Variants in SENP7 observed in about 807,000 individuals in gnomAD.
The protein encoded by SENP7 is sentrin-specific protease 7.
In SENP7, 64 loss-of-function variants were observed where a neutral mutation model predicts 141.2. That is an observed-to-expected ratio of 0.45 (90% CI 0.37 to 0.56). The LOEUF (loss-of-function observed/expected upper bound fraction) is 0.56. SENP7 is among the 20% of genes least tolerant of loss of function. The probability of loss-of-function intolerance (pLI) is 0.00; values close to 1 mark genes in which losing one functional copy is unlikely to be tolerated. For missense variants in SENP7, 1,025 were observed against 1,212.2 expected (o/e 0.85, Z 2.29); for synonymous variants, 382 against 426.4 (o/e 0.90, Z 1.28).
chr3:101,386,389 G>C (rs146830573), intron 6 of SENP7, among the ~76,000 whole-genome samples: 1 of 152,112 alleles, frequency 6.6e-6, no homozygotes, highest in Non-Finnish European at 1.5e-5. Flanking sequence ...ACTAATATGG[G>C]GGCTGCCTGG....
At chr3:101,339,270 T>C (rs2059268174) in intron 16 of SENP7, among the ~76,000 whole-genome samples, 1 of 152,206 alleles carries the variant, frequency 6.6e-6, no homozygotes. Flanking sequence ...AAATTTGGTT[T>C]GGGAGAGATG....
At chr3:101,459,760 C>T (rs1325221318) in intron 3 of SENP7, among the ~76,000 whole-genome samples, 2 of 152,060 alleles carry the variant, frequency 1.3e-5, no homozygotes, top group African/African-American at 4.8e-5. Context: ...TGTTTGTAGT[C>T]CACGATTCGC....
intron 4 of SENP7, among the ~76,000 whole-genome samples, chr3:101,423,181 A>G (rs1180937018): frequency 6.6e-6 from 1 of 152,220 alleles, no homozygotes; most frequent in Non-Finnish European, 1.5e-5. Context: ...AAGACATTCA[A>G]TATCATTAAT....
intron 9 of SENP7, among the ~76,000 whole-genome samples, chr3:101,365,879 A>C (rs2060026061): frequency 6.6e-6 from 1 of 152,090 alleles, no homozygotes; most frequent in Admixed American, 6.6e-5. Flanking sequence ...CCTTAGTAAC[A>C]AATTCTAGTT....
chr3:101,394,564 G>A (rs933133060), intron 6 of SENP7, among the ~76,000 whole-genome samples: 3 of 151,534 alleles, frequency 2.0e-5, no homozygotes, highest in Non-Finnish European at 4.4e-5. Context: ...CCAGGCTGGA[G>A]TGCAGTGGCG....
intron 20 of SENP7, 61 bp downstream of exon 20, chr3:101,330,273 C>T (rs1312905896): frequency 6.4e-6 from 8 of 1,252,680 alleles, no homozygotes; most frequent in South Asian, 3.7e-5. Flanking sequence ...CTCTATTTTA[C>T]AGATAACATT....
chr3:101,330,202 T>C, intron 20 of SENP7, 132 bp downstream of exon 20: 1 of 551,576 alleles, frequency 1.8e-6, no homozygotes. Flanking sequence ...CCACAAAAAC[T>C]GTCAAAGAAT....
intron 14 of SENP7, 65 bp from the exon 15 acceptor site, chr3:101,341,844 C>G: frequency 6.9e-7 from 1 of 1,455,208 alleles, no homozygotes; most frequent in Non-Finnish European, 9.3e-7. Flanking sequence ...AAAGTCAAAA[C>G]GTAGACGTGT....
At chr3:101,469,911 A>T (rs897239796) in intron 3 of SENP7, among the ~76,000 whole-genome samples, 4 of 151,536 alleles carry the variant, frequency 2.6e-5, no homozygotes, top group African/African-American at 9.7e-5. Flanking sequence ...TAGATGTCAG[A>T]ATTAAGAAAC....
At chr3:101,361,103 G>A (rs1433926915) in intron 11 of SENP7, among the ~76,000 whole-genome samples, 2 of 151,984 alleles carry the variant, frequency 1.3e-5, no homozygotes, top group Non-Finnish European at 2.9e-5. Context: ...TACTCGGGAG[G>A]CTGAGGCACA....
intron 5 of SENP7, among the ~76,000 whole-genome samples, chr3:101,407,959 C>T (rs773967073): frequency 1.3e-5 from 2 of 150,660 alleles, no homozygotes; most frequent in Admixed American, 6.6e-5. Flanking sequence ...GAAATTAAAA[C>T]AAAAAAAATA....
chr3:101,390,218 T>TCAAAAAAAAAAAAAAAAAAAAAAA (rs2060774628), intron 6 of SENP7, among the ~76,000 whole-genome samples: 2 of 51,258 alleles, frequency 3.9e-5, no homozygotes, highest in Non-Finnish European at 3.3e-5. Flanking sequence ...AGACTCTGTC[T>TCAAAAAAAAAAAAAAAAAAAAAAA]CAAAAAAAAA....
chr3:101,370,684 G>A (rs770328648), intron 7 of SENP7, among the ~76,000 whole-genome samples: 11 of 151,932 alleles, frequency 7.2e-5, no homozygotes, highest in Non-Finnish European at 1.3e-4. Flanking sequence ...AGAGATGATT[G>A]TAATTACTTC....
intron 6 of SENP7, among the ~76,000 whole-genome samples, chr3:101,385,413 T>C (rs551070804): frequency 2.6e-5 from 4 of 152,238 alleles, no homozygotes; most frequent in African/African-American, 9.6e-5. Context: ...CTTCAAAGCC[T>C]ACACCAAGGC....
intron 3 of SENP7, among the ~76,000 whole-genome samples, chr3:101,466,560 G>C (rs531682660): frequency 6.6e-6 from 1 of 152,184 alleles, no homozygotes; most frequent in South Asian, 2.1e-4. Flanking sequence ...AAAGCTAAGG[G>C]AATTTATCAC....
intron 5 of SENP7, among the ~76,000 whole-genome samples, chr3:101,411,619 C>T (rs1393706657): frequency 6.6e-6 from 1 of 152,150 alleles, no homozygotes; most frequent in African/African-American, 2.4e-5. Flanking sequence ...TAAATTAGCA[C>T]AGTCAAGGAC....
intron 3 of SENP7, among the ~76,000 whole-genome samples, chr3:101,478,819 C>T (rs967446433): frequency 1.3e-5 from 2 of 151,976 alleles, no homozygotes; most frequent in East Asian, 1.9e-4. Context: ...AATAGCATAC[C>T]GAATCCAAAA....
intron 5 of SENP7, among the ~76,000 whole-genome samples, chr3:101,407,742 C>A (rs974290710): frequency 1.3e-5 from 2 of 152,064 alleles, no homozygotes; most frequent in Non-Finnish European, 2.9e-5. Context: ...AACTGAACAA[C>A]AATAGTGACA....
intron 4 of SENP7, among the ~76,000 whole-genome samples, chr3:101,418,548 T>C (rs2061691164): frequency 6.6e-6 from 1 of 152,160 alleles, no homozygotes; most frequent in Non-Finnish European, 1.5e-5. Flanking sequence ...TACTGGGAAA[T>C]GTTTAATCAG....
Sources: gnomAD v4.1 joint callset for allele counts (sites outside exome capture counted in the v4.1 genomes callset) on GRCh38, gnomAD v4.1.1 for gene constraint, MANE v1.5 for transcripts, NCBI Gene and HGNC (gene_info 2026-07-23, HGNC 2026-07-21) for gene names.